Variants in PRKN observed in about 807,000 individuals in gnomAD.
PRKN encodes the protein parkin RBR E3 ubiquitin protein ligase, also known as E3 ubiquitin-protein ligase parkin.
PRKN carries 56 observed loss-of-function variants against 59.5 expected under a neutral mutation model. The observed-to-expected ratio is 0.94, with a 90% CI of 0.76 to 1.18. The LOEUF is 1.18. Ranked by LOEUF, PRKN falls within the 50% of genes most tolerant of loss-of-function variation. The pLI is 0.00. For synonymous variants in PRKN, 250 were observed against 222.1 expected, an observed-to-expected ratio of 1.13 and a Z score of -1.12; for missense variants, 657 against 596.4, an observed-to-expected ratio of 1.10 and a Z score of -1.06.
intron 2 of PRKN, among the ~76,000 whole-genome samples, chr6:162,339,307 C>T (rs548138337): frequency 2.8e-4 from 38 of 137,926 alleles, no homozygotes; most frequent in Non-Finnish European, 2.0e-4. Flanking sequence ...GTCAGCCCCC[C>T]GCCCGGCCAG....
intron 6 of PRKN, among the ~76,000 whole-genome samples, chr6:161,802,391 C>T (rs1033923829): frequency 2.0e-5 from 3 of 151,642 alleles, no homozygotes; most frequent in Non-Finnish European, 4.4e-5. Context: ...ACAGGCCCCA[C>T]ATATGACACA....
chr6:161,858,187 G>A (rs1793734203), intron 6 of PRKN, among the ~76,000 whole-genome samples: 1 of 152,172 alleles, frequency 6.6e-6, no homozygotes, highest in Non-Finnish European at 1.5e-5. Context: ...TTTAGTTACA[G>A]CTTTCTTTTG....
chr6:162,638,738 CCTTTTT>C (rs1386119353), intron 1 of PRKN, among the ~76,000 whole-genome samples: 1 of 108,970 alleles, frequency 9.2e-6, no homozygotes, highest in African/African-American at 3.7e-5. Context: ...GCTAACTATC[CCTTTTT>C]TTTTTTTTTT....
chr6:161,704,184 G>A (rs927066173), intron 7 of PRKN, among the ~76,000 whole-genome samples: 5 of 152,074 alleles, frequency 3.3e-5, no homozygotes, highest in Admixed American at 6.6e-5. Flanking sequence ...TTAGTTCAGG[G>A]ATGGAAAGCA....
intron 2 of PRKN, among the ~76,000 whole-genome samples, chr6:162,401,971 C>T (rs564801053): frequency 1.3e-5 from 2 of 152,148 alleles, no homozygotes; most frequent in South Asian, 2.1e-4. Context: ...ACAGTGTTGC[C>T]GGGTGAAGTG....
At chr6:162,084,759 T>C (rs1000934842) in intron 4 of PRKN, among the ~76,000 whole-genome samples, 1 of 152,130 alleles carries the variant, frequency 6.6e-6, no homozygotes, top group African/African-American at 2.4e-5. Context: ...GTGGCATCTC[T>C]ATAGTGTGTA....
intron 2 of PRKN, among the ~76,000 whole-genome samples, chr6:162,426,203 A>G (rs757392195): frequency 2.4e-4 from 37 of 152,220 alleles, no homozygotes; most frequent in Admixed American, 1.4e-3. Flanking sequence ...CTATAGTAAT[A>G]TAACAACGTA....
At chr6:161,574,032 A>G (rs961024233) in intron 7 of PRKN, among the ~76,000 whole-genome samples, 1 of 151,896 alleles carries the variant, frequency 6.6e-6, no homozygotes, top group Non-Finnish European at 1.5e-5. Context: ...AGACTAGATA[A>G]TTACTTGAAA....
chr6:161,681,318 A>G (rs1161648675), intron 7 of PRKN, among the ~76,000 whole-genome samples: 1 of 152,150 alleles, frequency 6.6e-6, no homozygotes, highest in African/African-American at 2.4e-5. Flanking sequence ...CAAAAGACGT[A>G]TTTTTGTCAG....
rs533938408 is a variant in PRKN at position 161,545,010 on chromosome 6, G to A, written c.1083+3844C>T. 2 of 289,360 alleles carry A rather than the reference G, an allele frequency of 6.9e-6. No homozygotes were observed. The highest frequency in any genetic ancestry group is 4.5e-5 in the African/African-American group (2 of 44,180). 17.9% of individuals were successfully genotyped at this position (289,360 alleles called of 1,614,324 possible). ...GTGCGGAAGACCACCCAGGTACATGGTCGTGGGTGAAATGACTAGAAGATT... is the reference window on the plus strand; with the variant it reads ...GTGCGGAAGACCACCCAGGTACATGATCGTGGGTGAAATGACTAGAAGATT... On this transcript the variant is annotated intron_variant, in intron 9 of 11. Transcript: ENST00000366898. This position sits in a 1 kb window ranked among gnomAD's most constrained non-coding sequence, Gnocchi z 4.1.
intron 2 of PRKN, among the ~76,000 whole-genome samples, chr6:162,354,587 G>C (rs1249311475): frequency 6.6e-6 from 1 of 152,024 alleles, no homozygotes; most frequent in Non-Finnish European, 1.5e-5. Context: ...AGCTGGAAAA[G>C]CTAGAGTAAG....
intron 4 of PRKN, among the ~76,000 whole-genome samples, chr6:162,091,696 T>C (rs1954928): frequency 0.69 from 104,831 of 151,978 alleles, 36,322 homozygotes; most frequent in East Asian, 0.86. Context: ...ATCTTCTGCC[T>C]CCACCATATT....
Position 161,947,069 on chromosome 6 carries a change from G to C in PRKN, c.734+26233C>G, listed in dbSNP as rs1779810133. Among the ~76,000 whole-genome samples the C allele has an allele frequency of 3.3e-5, 5 of 152,080 alleles. No homozygotes were observed. In the South Asian group the frequency reaches 1.0e-3, roughly 32 times the overall value. ...ATGTATAAATTTGAGTACATATGTTGATGTCTGCAAGTGCTTATACATCTG... is the reference window on the plus strand; with the variant it reads ...ATGTATAAATTTGAGTACATATGTTCATGTCTGCAAGTGCTTATACATCTG... On this transcript the variant is annotated intron_variant, in intron 6 of 11. Transcript: ENST00000366898.
intron 5 of PRKN, among the ~76,000 whole-genome samples, chr6:161,993,292 C>A (rs923306465): frequency 6.6e-6 from 1 of 151,966 alleles, no homozygotes; most frequent in African/African-American, 2.4e-5. Context: ...CACAGAAATA[C>A]AAAGAATCAT....
At chr6:162,579,730 A>G (rs1361403042) in intron 1 of PRKN, among the ~76,000 whole-genome samples, 3 of 152,072 alleles carry the variant, frequency 2.0e-5, no homozygotes, top group South Asian at 2.1e-4. Flanking sequence ...AATCACACAG[A>G]TTGAAACACA....
intron 2 of PRKN, among the ~76,000 whole-genome samples, chr6:162,344,933 A>T (rs77787899): frequency 0.012 from 1,772 of 152,312 alleles, 33 homozygotes; most frequent in East Asian, 0.11. Flanking sequence ...CTTCCATGGT[A>T]ATCAGTCCTG....
intron 2 of PRKN, among the ~76,000 whole-genome samples, chr6:162,322,529 C>T (rs946787692): frequency 6.6e-6 from 1 of 152,062 alleles, no homozygotes; most frequent in Admixed American, 6.6e-5. Context: ...CACCATCTGA[C>T]TTCGGGTCTC....
intron 2 of PRKN, among the ~76,000 whole-genome samples, chr6:162,433,199 C>A (rs921443020): frequency 2.0e-5 from 3 of 152,090 alleles, no homozygotes; most frequent in African/African-American, 7.2e-5. Flanking sequence ...TGTGTCAGTC[C>A]TTTGTAGGTA....
At chr6:161,420,942 C>G (rs1788076204) in intron 9 of PRKN, among the ~76,000 whole-genome samples, 1 of 152,238 alleles carries the variant, frequency 6.6e-6, no homozygotes, top group Admixed American at 6.5e-5. Flanking sequence ...TGTGGTTTTC[C>G]TCAACTCCAC....
Sources: gnomAD v4.1 joint callset for allele counts (sites outside exome capture counted in the v4.1 genomes callset) on GRCh38, gnomAD v4.1.1 for gene constraint, Gnocchi (gnomAD v3.1) non-coding constraint, MANE v1.5 for transcripts, NCBI Gene and HGNC (gene_info 2026-07-23, HGNC 2026-07-21) for gene names.